DUOX2: variants seen among roughly 807,000 people sequenced by gnomAD.
DUOX2 encodes dual oxidase 2, also known as NADH/NADPH thyroid oxidase p138-tox.
Under a neutral mutation model 183.3 loss-of-function variants are expected in DUOX2, and 185 were observed. That is an observed-to-expected ratio of 1.01 (90% CI 0.90 to 1.14). The LOEUF (loss-of-function observed/expected upper bound fraction) is 1.14. DUOX2 is among the 50% of genes most tolerant of loss of function. The probability of loss-of-function intolerance (pLI) is 0.00; values close to 1 mark genes in which losing one functional copy is unlikely to be tolerated. For synonymous variants in DUOX2, 788 were observed against 812.4 expected, an observed-to-expected ratio of 0.97 and a Z score of 0.51; for missense variants, 1,999 against 2,022.9, an observed-to-expected ratio of 0.99 and a Z score of 0.23.
chr15:45,093,020 T>A lies in DUOX2; in HGVS notation c.*1130A>T, dbSNP rs1893802483. The A allele has an allele frequency of 6.6e-6, 1 of 152,128 alleles. No homozygotes were observed. The highest frequency in any genetic ancestry group is 1.5e-5 in the Non-Finnish European group (1 of 68,024). The allele number at this position is 152,128 out of a possible 1,614,324, so 9.4% of individuals were successfully genotyped here. On this transcript the variant is annotated 3_prime_UTR_variant, in exon 34 of 34. Coordinates refer to ENST00000389039, the MANE Select transcript of DUOX2 (RefSeq NM_001363711.2). Reference sequence around the variant, plus strand: ...TCTTGACCTGGGTGGTGGTAAAACATGTACATGATTATTTATTATACCTCG... The same window carrying A: ...TCTTGACCTGGGTGGTGGTAAAACAAGTACATGATTATTTATTATACCTCG...
At chr15:45,098,602 C>T (rs1431460158) in intron 26 of DUOX2, among the ~76,000 whole-genome samples, 1 of 152,202 alleles carries the variant, frequency 6.6e-6, no homozygotes, top group African/African-American at 2.4e-5. Context: ...CCAATCACAG[C>T]CAGCTTCCTT....
At chr15:45,110,124 T>C in intron 9 of DUOX2, 144 bp from the exon 10 acceptor site, 2 of 822,554 alleles carry the variant, frequency 2.4e-6, no homozygotes, top group African/African-American at 1.7e-5. Context: ...GATTTGGTGA[T>C]GTGCGTTTAC....
chr15:45,099,218 G>T (rs1893989928), intron 26 of DUOX2, 165 bp downstream of exon 26: 3 of 586,474 alleles, frequency 5.1e-6, no homozygotes, highest in Non-Finnish European at 9.4e-6. Context: ...CACCGTGTTA[G>T]CCAGGATGGT....
intron 32 of DUOX2, 73 bp from the exon 33 acceptor site, chr15:45,094,764 C>CA: frequency 6.2e-7 from 1 of 1,604,434 alleles, no homozygotes; most frequent in African/African-American, 1.3e-5. Context: ...CCACATAGCC[C>CA]AAGAGACAGA....
intron 25 of DUOX2, 89 bp downstream of exon 25, chr15:45,099,573 G>A: frequency 6.3e-7 from 1 of 1,577,666 alleles, no homozygotes; most frequent in South Asian, 1.1e-5. Context: ...AGGAGAGATG[G>A]AGGTATAAGG....
intron 29 of DUOX2, 128 bp from the exon 30 acceptor site, chr15:45,096,188 G>A: frequency 1.3e-6 from 1 of 774,606 alleles, no homozygotes; most frequent in African/African-American, 1.7e-5. Context: ...AGCAAGCGGG[G>A]CTCCTGGGGC....
At chr15:45,100,869 T>C (rs753794814) in intron 22 of DUOX2, 31 bp from the exon 23 acceptor site, 2 of 1,506,186 alleles carry the variant, frequency 1.3e-6, no homozygotes, top group Admixed American at 1.7e-5. Context: ...TGTTCTCCCC[T>C]TGTCTTTGCA....
At position 45,105,833 on chromosome 15, in the gene DUOX2, G is replaced by C; in HGVS notation, c.2149-5C>G. 1 of 1,613,972 alleles carries C rather than the reference G, an allele frequency of 6.2e-7. No homozygotes were observed. Among genetic ancestry groups the C allele is most frequent in the Non-Finnish European group, 8.5e-7 (1 of 1,180,004 alleles). On this transcript the variant is annotated splice_region_variant and splice_polypyrimidine_tract_variant and intron_variant, in intron 17 of 33. Transcript: ENST00000389039. ...TTCAGAACTAAACAGCAGCACCTGG[G>C]TGGGAGGAAGGCGGCACTGACGCAG...
chr15:45,111,792 C>T lies in DUOX2; in HGVS notation c.489G>A (p.Arg163=). The change falls in exon 5 of 34, where the codon CGG becomes CGA. Residue 163 remains arginine, a synonymous_variant. Transcript: ENST00000389039. ...QRSRWDPETG[R]SPSNPRDLAN... is the part of the protein sequence containing the mutation. Reference sequence around the variant, plus strand: ...CCAGGTCCCGGGGGTTGCTGGGACTCCGTCCGGTCTCGGGGTCCCAGCGGC... The same window carrying T: ...CCAGGTCCCGGGGGTTGCTGGGACTTCGTCCGGTCTCGGGGTCCCAGCGGC... 1.2e-6 allele frequency: 2 copies of T among 1,610,094 alleles called. No homozygotes were observed. The highest frequency in any genetic ancestry group is 1.7e-6 in the Non-Finnish European group (2 of 1,178,572).
rs1894034437 is a variant in DUOX2 at position 45,100,058 on chromosome 15, C to T, written c.3176G>A (p.Arg1059His). Residue 1059 changes from arginine to histidine, a missense_variant, in exon 24 of 34, where the codon CGT becomes CAT. Coordinates refer to ENST00000389039, the MANE Select transcript of DUOX2 (RefSeq NM_001363711.2). ...SAICVGVFAD[R>H]AYYYGFASPP... ...CAGCCTGGAACTCTTACAGTAAGCA[C>T]GATCTGCAAACACGCCAACACAGAT... The T allele has an allele frequency of 2.5e-6, 4 of 1,614,246 alleles. No homozygotes were observed. The highest frequency in any genetic ancestry group is 3.4e-6 in the Non-Finnish European group (4 of 1,180,048).
At position 45,095,889 on chromosome 15, in the gene DUOX2, G is replaced by A. The variant is rs893622443; in HGVS notation, c.4019C>T (p.Thr1340Ile). 2 of 1,612,876 alleles carry A rather than the reference G, an allele frequency of 1.2e-6. No individual in the cohort carries two copies. The highest frequency in any genetic ancestry group is 1.3e-5 in the African/African-American group (1 of 74,514). Residue 1340 changes from threonine to isoleucine, a missense_variant, in exon 30 of 34, where the codon ACC becomes ATC. Coordinates refer to ENST00000389039, the MANE Select transcript of DUOX2 (RefSeq NM_001363711.2). ...SLHIRAVGPW[T>I]TRLREIYSSP... is the part of the protein sequence containing the mutation. ...TGAGTAGATCTCCCTGAGGCGAGTG[G>A]TCCAGGGCCCCACTGCCCGGATGTG...
At chr15:45,107,850 C>CAAAAAAAAAAAAAAAAA (rs36025213) in intron 13 of DUOX2, among the ~76,000 whole-genome samples, 197 bp downstream of exon 13, 1 of 48,856 alleles carries the variant, frequency 2.0e-5, no homozygotes, top group African/African-American at 7.9e-5. Context: ...GACTCTGCCT[C>CAAAAAAAAAAAAAAAAA]AAAAAAAAAA....
chr15:45,112,898 T>C, intron 3 of DUOX2, 89 bp downstream of exon 3: 2 of 1,555,372 alleles, frequency 1.3e-6, no homozygotes, highest in East Asian at 2.3e-5. Context: ...GCTGGGCGCG[T>C]GTTCCCCGCA....
Position 45,111,863 on chromosome 15 carries a change from A to G in DUOX2, c.418T>C (p.Phe140Leu). The G allele has an allele frequency of 6.2e-7, 1 of 1,613,740 alleles. No homozygotes were observed. The highest frequency in any genetic ancestry group is 8.5e-7 in the Non-Finnish European group (1 of 1,179,986). Residue 140 changes from phenylalanine (F) to leucine (L), a missense_variant, in exon 5 of 34, where the codon TTC (phenylalanine) becomes CTC (leucine). Transcript: ENST00000389039. ...NIRIPPGDPV[F>L]DPDQRGDVVL... ...ACGTCCCCGCGCTGGTCGGGGTCGAACACGGGGTCTCCAGGTGGGATGCGG... is the reference window on the plus strand; with the variant it reads ...ACGTCCCCGCGCTGGTCGGGGTCGAGCACGGGGTCTCCAGGTGGGATGCGG...
Position 45,103,956 on chromosome 15 carries a change from A to T in DUOX2, c.2654+4T>A, listed in dbSNP as rs951381299. On this transcript the variant is annotated splice_donor_region_variant and intron_variant, in intron 20 of 33. Transcript: ENST00000389039. ...TCTCAGGATTAGAAAGGCACACCCC[A>T]TACCGCATCATGGTGAAGAATTCGT... 3 of 1,614,116 alleles carry T rather than the reference A, an allele frequency of 1.9e-6. No individual in the cohort carries two copies. Among genetic ancestry groups the T allele is most frequent in the Non-Finnish European group, 2.5e-6 (3 of 1,180,006 alleles).
chr15:45,095,399 C>T, intron 31 of DUOX2, 38 bp downstream of exon 31: 1 of 1,613,920 alleles, frequency 6.2e-7, no homozygotes, highest in Non-Finnish European at 8.5e-7. Context: ...AATTCGGCCA[C>T]CTATGCCCCA....
intron 29 of DUOX2, 108 bp from the exon 30 acceptor site, chr15:45,096,168 A>C: frequency 2.1e-6 from 2 of 972,512 alleles, no homozygotes; most frequent in Non-Finnish European, 3.2e-6. Context: ...GGGAGTAGTC[A>C]CATGGTCTGA....
At chr15:45,106,471 A>G in intron 16 of DUOX2, 57 bp downstream of exon 16, 1 of 1,598,188 alleles carries the variant, frequency 6.3e-7, no homozygotes, top group Non-Finnish European at 8.6e-7. Flanking sequence ...TTTCTCCCAG[A>G]CTCCTGTCTC....
At chr15:45,101,505 T>C in intron 21 of DUOX2, 1 of 628,140 alleles carries the variant, frequency 1.6e-6, no homozygotes, top group Non-Finnish European at 2.8e-6. Context: ...AGGTCCTTTG[T>C]GTAAAAGAAA....
Sources: gnomAD v4.1 joint callset for allele counts (sites outside exome capture counted in the v4.1 genomes callset) on GRCh38, gnomAD v4.1.1 for gene constraint, MANE v1.5 for transcripts, NCBI Gene and HGNC (gene_info 2026-07-23, HGNC 2026-07-21) for gene names.